ANTXR1: variants seen among roughly 807,000 people sequenced by gnomAD.
ANTXR1 encodes the protein ANTXR cell adhesion molecule 1, also known as anthrax toxin receptor 1.
ANTXR1 carries 19 observed loss-of-function variants against 78.1 expected under a neutral mutation model. The ratio of observed to expected loss-of-function variants is 0.24; its 90% CI spans 0.17 to 0.36. ANTXR1 has a LOEUF of 0.36. ANTXR1 is among the 10% of genes least tolerant of loss of function. ANTXR1 has a pLI of 1.00. For missense variants in ANTXR1, 518 were observed against 718.6 expected (o/e 0.72, Z 3.19); for synonymous variants, 273 against 260.5 (o/e 1.05, Z -0.46).
intron 17 of ANTXR1, among the ~76,000 whole-genome samples, chr2:69,202,418 T>C (rs1674794693): frequency 6.6e-6 from 1 of 152,016 alleles, no homozygotes; most frequent in African/African-American, 2.4e-5. Flanking sequence ...GATGATGGGG[T>C]TGGGAGCAAA....
chr2:69,133,098 G>T (rs999222323), intron 12 of ANTXR1, among the ~76,000 whole-genome samples: 9 of 151,724 alleles, frequency 5.9e-5, no homozygotes, highest in Non-Finnish European at 1.2e-4. Context: ...ACCTAAGAAG[G>T]ATTTTCACCC....
chr2:69,142,884 G>A (rs1673109002), intron 12 of ANTXR1, among the ~76,000 whole-genome samples: 2 of 152,134 alleles, frequency 1.3e-5, no homozygotes, highest in African/African-American at 4.8e-5. Flanking sequence ...AAGACTCAAA[G>A]CCTTGTACCT....
At chr2:69,032,700 A>C (rs1376531169) in intron 1 of ANTXR1, among the ~76,000 whole-genome samples, 1 of 152,154 alleles carries the variant, frequency 6.6e-6, no homozygotes, top group Non-Finnish European at 1.5e-5. Context: ...ATCTGCACCA[A>C]AAGTACCAAT....
intron 12 of ANTXR1, among the ~76,000 whole-genome samples, chr2:69,144,263 G>A (rs1673155196): frequency 6.6e-6 from 1 of 152,224 alleles, no homozygotes; most frequent in Admixed American, 6.5e-5. Context: ...AGTGGCTGAT[G>A]TGCCTCTCCC....
Position 69,101,563 on chromosome 2 carries a change from A to T in ANTXR1, c.704-1279A>T, listed in dbSNP as rs184034324. ...TCACATTGAGGGAGCAATTAGCATT[A>T]GTTATTATTGTCTTGGCAAACATGG... On this transcript the variant is annotated intron_variant, in intron 9 of 17. Transcript: ENST00000303714. 6.6e-5 allele frequency among the ~76,000 whole-genome samples: 10 copies of T among 152,386 alleles called. No individual in the cohort carries two copies. In the East Asian group the frequency reaches 1.9e-3, roughly 29 times the overall value.
intron 9 of ANTXR1, among the ~76,000 whole-genome samples, chr2:69,094,661 A>G (rs1671343004): frequency 6.6e-6 from 1 of 152,158 alleles, no homozygotes; most frequent in East Asian, 1.9e-4. Flanking sequence ...TTCCTCTAAG[A>G]CAGTGATCTC....
At chr2:69,107,233 C>A (rs896351161) in intron 10 of ANTXR1, among the ~76,000 whole-genome samples, 1 of 151,208 alleles carries the variant, frequency 6.6e-6, no homozygotes, top group Non-Finnish European at 1.5e-5. Context: ...ATAAAGAAAA[C>A]GTTTTGTTTT....
At chr2:69,032,929 C>T (rs1671570331) in intron 1 of ANTXR1, among the ~76,000 whole-genome samples, 1 of 152,088 alleles carries the variant, frequency 6.6e-6, no homozygotes, top group African/African-American at 2.4e-5. Context: ...TAACACATAA[C>T]ATTCTTTTAG....
chr2:69,207,563 A>T (rs1055719645), intron 17 of ANTXR1, among the ~76,000 whole-genome samples: 2 of 152,204 alleles, frequency 1.3e-5, no homozygotes, highest in Non-Finnish European at 2.9e-5. Context: ...CCATGACAGG[A>T]ACTTAAAATT....
At chr2:69,239,297 G>A (rs370387033) in intron 17 of ANTXR1, among the ~76,000 whole-genome samples, 43 of 152,292 alleles carry the variant, frequency 2.8e-4, no homozygotes, top group East Asian at 2.7e-3. Context: ...GGCCAGGTGC[G>A]GTGGCTCACA....
chr2:69,119,856 A>G (rs1672285417), intron 10 of ANTXR1, among the ~76,000 whole-genome samples: 1 of 152,200 alleles, frequency 6.6e-6, no homozygotes, highest in South Asian at 2.1e-4. Context: ...TCACCTTTAA[A>G]ATGAAAGGAA....
chr2:69,056,126 T>G (rs1298018007), intron 3 of ANTXR1, among the ~76,000 whole-genome samples: 1 of 152,220 alleles, frequency 6.6e-6, no homozygotes, highest in African/African-American at 2.4e-5. Context: ...ACATTTCTGT[T>G]GTCTGGATGG....
intron 12 of ANTXR1, among the ~76,000 whole-genome samples, chr2:69,151,554 G>T (rs1186168051): frequency 6.6e-6 from 1 of 152,146 alleles, no homozygotes; most frequent in Non-Finnish European, 1.5e-5. Context: ...CTGGTCTTCA[G>T]TGCCTTCCTC....
intron 13 of ANTXR1, among the ~76,000 whole-genome samples, chr2:69,159,365 AG>A (rs1673617231): frequency 1.3e-5 from 2 of 152,164 alleles, no homozygotes; most frequent in Non-Finnish European, 2.9e-5. Context: ...CTTGAGCCCT[AG>A]AGTCTGAGAC....
At chr2:69,102,608 G>A (rs747519551) in intron 9 of ANTXR1, among the ~76,000 whole-genome samples, 3 of 152,206 alleles carry the variant, frequency 2.0e-5, no homozygotes, top group African/African-American at 7.2e-5. Context: ...AAGCCCAAAG[G>A]TAAAAGGGTG....
chr2:69,013,389 G>C lies in ANTXR1; in HGVS notation c.-111G>C. 6.9e-7 allele frequency: 1 copy of C among 1,449,584 alleles called. No homozygotes were observed. The highest frequency in any genetic ancestry group is 9.4e-7 in the Non-Finnish European group (1 of 1,059,796). 89.8% of individuals were successfully genotyped at this position (1,449,584 alleles called of 1,614,324 possible). On this transcript the variant is annotated 5_prime_UTR_variant, in exon 1 of 18. Transcript: ENST00000303714. This position sits in a 1 kb window ranked among gnomAD's most constrained non-coding sequence, Gnocchi z 5.0. ...TCCGGGGAGTTGCGAGGGAGCGAGG[G>C]GGAATAAAGGACCCGCGAGGAAGGG...
intron 10 of ANTXR1, among the ~76,000 whole-genome samples, chr2:69,115,508 A>G (rs1672113418): frequency 6.6e-6 from 1 of 152,236 alleles, no homozygotes; most frequent in African/African-American, 2.4e-5. Flanking sequence ...CCCATATTAT[A>G]GATGACAATT....
intron 17 of ANTXR1, among the ~76,000 whole-genome samples, chr2:69,230,833 TA>T (rs942257648): frequency 7.9e-5 from 12 of 152,186 alleles, no homozygotes; most frequent in African/African-American, 2.9e-4. Context: ...GGTTTGGGGG[TA>T]CATGTGAAGG....
intron 9 of ANTXR1, among the ~76,000 whole-genome samples, chr2:69,097,872 C>T (rs1281426914): frequency 6.6e-6 from 1 of 152,138 alleles, no homozygotes; most frequent in East Asian, 1.9e-4. Context: ...TTACAGTTTA[C>T]CTGTAGAATG....
Sources: gnomAD v4.1 joint callset for allele counts (sites outside exome capture counted in the v4.1 genomes callset) on GRCh38, gnomAD v4.1.1 for gene constraint, Gnocchi (gnomAD v3.1) non-coding constraint, MANE v1.5 for transcripts, NCBI Gene and HGNC (gene_info 2026-07-23, HGNC 2026-07-21) for gene names.